Variants in DNAH14 observed in about 807,000 individuals in gnomAD.
DNAH14 encodes the protein axonemal beta dynein heavy chain 14.
Under a neutral mutation model 520.9 loss-of-function variants are expected in DNAH14, and 478 were observed. The observed-to-expected ratio is 0.92, with a 90% confidence interval of 0.85 to 0.99. DNAH14 has a LOEUF of 0.99. Among genes scored for constraint, DNAH14 ranks in the 50% least tolerant of loss-of-function variants. The pLI, the probability that DNAH14 is intolerant of heterozygous loss-of-function variation, is 0.00. For synonymous variants in DNAH14, 1,581 were observed against 1,757.2 expected (o/e 0.90, Z 2.51); for missense variants, 4,831 against 5,234.5 (o/e 0.92, Z 2.38).
intron 53 of DNAH14, 49 bp from the exon 54 acceptor site, chr1:225,277,361 G>C (rs545464555): frequency 3.9e-5 from 17 of 438,628 alleles, no homozygotes; most frequent in South Asian, 2.4e-4. Flanking sequence ...ATGCACGTTT[G>C]ATTTTTCTGT....
intron 71 of DNAH14, among the ~76,000 whole-genome samples, chr1:225,349,794 C>T (rs2095339213): frequency 6.6e-6 from 1 of 152,006 alleles, no homozygotes; most frequent in African/African-American, 2.4e-5. Flanking sequence ...CTCCCAAATA[C>T]GTGAAGCAAA....
chr1:225,123,275 A>G (rs1287651255), intron 26 of DNAH14, among the ~76,000 whole-genome samples: 1 of 152,202 alleles, frequency 6.6e-6, no homozygotes, highest in Non-Finnish European at 1.5e-5. Flanking sequence ...CTCTTTTTAT[A>G]TATTTTTACC....
chr1:225,243,015 AAGATTCTATGTT>A (rs1369864185), intron 43 of DNAH14, among the ~76,000 whole-genome samples: 1 of 152,206 alleles, frequency 6.6e-6, no homozygotes, highest in East Asian at 1.9e-4. Flanking sequence ...CTGGATGGCA[AAGATTCTATGTT>A]ATTTCCTGTG....
At chr1:225,183,212 A>G (rs1358051152) in intron 36 of DNAH14, among the ~76,000 whole-genome samples, 1 of 152,218 alleles carries the variant, frequency 6.6e-6, no homozygotes, top group Admixed American at 6.5e-5. Context: ...CAACCCAGGC[A>G]AGAAGGGAAT....
chr1:225,147,053 T>C (rs568629041), intron 30 of DNAH14, 51 bp from the exon 31 acceptor site: 1 of 1,379,714 alleles, frequency 7.2e-7, no homozygotes, highest in South Asian at 1.5e-5. Context: ...CCAGTAAATT[T>C]TCTCACCATT....
intron 49 of DNAH14, among the ~76,000 whole-genome samples, chr1:225,269,032 G>A (rs2149815819): frequency 6.6e-6 from 1 of 152,246 alleles, no homozygotes; most frequent in African/African-American, 2.4e-5. Flanking sequence ...ACAATCCTAA[G>A]CCAAAAGAAC....
chr1:225,138,499 T>C (rs2079155745), intron 27 of DNAH14, among the ~76,000 whole-genome samples: 1 of 152,176 alleles, frequency 6.6e-6, no homozygotes, highest in Non-Finnish European at 1.5e-5. Context: ...TATGGATATG[T>C]ATGGGCAGAT....
At chr1:225,036,828 T>TA (rs1303993114) in intron 11 of DNAH14, among the ~76,000 whole-genome samples, 3 of 152,200 alleles carry the variant, frequency 2.0e-5, no homozygotes, top group Non-Finnish European at 1.5e-5. Context: ...AGCTGGAACT[T>TA]AAAGTGGCAG....
intron 8 of DNAH14, among the ~76,000 whole-genome samples, chr1:224,988,904 G>A (rs2062839010): frequency 6.6e-6 from 1 of 152,138 alleles, no homozygotes; most frequent in Non-Finnish European, 1.5e-5. Context: ...TCCATTAATG[G>A]GATTAGAGGT....
chr1:225,273,054 C>T lies in DNAH14; in HGVS notation c.7939C>T (p.Arg2647Cys), dbSNP rs1021883007. 3.9e-6 allele frequency: 6 copies of T among 1,551,498 alleles called. No individual in the cohort carries two copies. The African/African-American group carries it at 4.1e-5, about 11-fold the overall frequency. ...TGAAGCCACCCGAGTATTTCACGAT[C>T]GCTTAATTGATTTCACTGATAAAAG... is the stretch of plus-strand genomic sequence containing the variant. ...VHEATRVFHDRLIDFTDKSLF... is the reference protein window; with the variant it reads ...VHEATRVFHDCLIDFTDKSLF... The change falls in exon 52 of 86, where the codon CGC becomes TGC. Residue 2647 changes from arginine to cysteine, a missense_variant. Coordinates refer to ENST00000682510, the MANE Select transcript of DNAH14 (RefSeq NM_001367479.1).
intron 84 of DNAH14, chr1:225,396,841 T>C (rs1475436088): frequency 1.3e-5 from 2 of 152,174 alleles, no homozygotes; most frequent in Non-Finnish European, 2.9e-5. Context: ...ATGACCAAGT[T>C]ACACAAGTAT....
rs1285430437 is a variant in DNAH14 at position 225,335,501 on chromosome 1, G to A, written c.10081-1765G>A. 5.5e-3 allele frequency among the ~76,000 whole-genome samples: 450 copies of A among 81,928 alleles called. 15 individuals carry two copies. The highest frequency in any genetic ancestry group is 7.1e-3 in the Non-Finnish European group (287 of 40,394). 53.7% of individuals were successfully genotyped at this position (81,928 alleles called of 152,430 possible). A position where few individuals can be genotyped will look rare whatever the true frequency, so the allele number is the denominator to read the frequency against. On this transcript the variant is annotated intron_variant, in intron 66 of 85. Transcript: ENST00000682510. Reference sequence around the variant, plus strand: ...TATGCACATATACACGTGTGTACATGTACACATATACATATGTACATATAT... The same window carrying A: ...TATGCACATATACACGTGTGTACATATACACATATACATATGTACATATAT...
At chr1:224,958,304 A>G (rs2060632396) in intron 3 of DNAH14, among the ~76,000 whole-genome samples, 1 of 152,160 alleles carries the variant, frequency 6.6e-6, no homozygotes, top group Non-Finnish European at 1.5e-5. Flanking sequence ...GTTTGTGTTC[A>G]GGATCCATTT....
chr1:225,106,945 G>C (rs2076109870), intron 23 of DNAH14, among the ~76,000 whole-genome samples: 2 of 152,196 alleles, frequency 1.3e-5, no homozygotes. Context: ...CTTTGGAGGA[G>C]AGGCGCTCTG....
chr1:225,280,544 A>G (rs2093604355), intron 54 of DNAH14, among the ~76,000 whole-genome samples: 2 of 152,036 alleles, frequency 1.3e-5, no homozygotes, highest in African/African-American at 4.8e-5. Context: ...GCTTGCAGTG[A>G]GCCGAGATAG....
chr1:224,976,335 C>T (rs964159030), intron 8 of DNAH14, among the ~76,000 whole-genome samples: 1 of 152,054 alleles, frequency 6.6e-6, no homozygotes, highest in African/African-American at 2.4e-5. Flanking sequence ...GTGTTAAAGT[C>T]TCCCATTATT....
chr1:224,996,138 G>A (rs1173734222), intron 8 of DNAH14, among the ~76,000 whole-genome samples: 3 of 151,864 alleles, frequency 2.0e-5, no homozygotes, highest in Non-Finnish European at 2.9e-5. Context: ...ATCTGTGCCT[G>A]TAAGGAGACA....
intron 17 of DNAH14, among the ~76,000 whole-genome samples, chr1:225,065,919 G>A (rs906923776): frequency 6.6e-6 from 1 of 152,004 alleles, no homozygotes; most frequent in Non-Finnish European, 1.5e-5. Flanking sequence ...TCTATTTTTA[G>A]TTTTTTGAGG....
chr1:225,132,040 A>G (rs970696276), intron 27 of DNAH14, among the ~76,000 whole-genome samples: 1 of 152,184 alleles, frequency 6.6e-6, no homozygotes, highest in Non-Finnish European at 1.5e-5. Context: ...ATTTTTCTCC[A>G]GAAAAACTGA....
Sources: gnomAD v4.1 joint callset for allele counts (sites outside exome capture counted in the v4.1 genomes callset) on GRCh38, gnomAD v4.1.1 for gene constraint, MANE v1.5 for transcripts, NCBI Gene and HGNC (gene_info 2026-07-23, HGNC 2026-07-21) for gene names.